Variants in SHISA9 observed in about 807,000 individuals in gnomAD.
SHISA9 encodes shisa family member 9.
Under a neutral mutation model 38.0 loss-of-function variants are expected in SHISA9, and 13 were observed. The ratio of observed to expected loss-of-function variants is 0.34; its 90% CI spans 0.22 to 0.54. The LOEUF (loss-of-function observed/expected upper bound fraction) is 0.54, where lower values mean the gene tolerates loss of function less well. SHISA9 is among the 20% of genes least tolerant of loss of function. SHISA9 has a pLI of 0.91. For missense variants in SHISA9, 538 were observed against 575.8 expected (o/e 0.93, Z 0.67); for synonymous variants, 275 against 242.0 (o/e 1.14, Z -1.27).
At chr16:12,941,980 T>C (rs961303238) in intron 2 of SHISA9, among the ~76,000 whole-genome samples, 2 of 149,614 alleles carry the variant, frequency 1.3e-5, no homozygotes, top group Admixed American at 6.6e-5. Context: ...CAGTGGCGGG[T>C]TTTGTTTTTG....
chr16:13,402,527 T>TG, the SHISA9 span, among the ~76,000 whole-genome samples: 8 of 149,720 alleles, frequency 5.3e-5, no homozygotes, highest in African/African-American at 2.0e-4. Flanking sequence ...TTTTTTTTTT[T>TG]TTTTTGAGAC....
intron 2 of SHISA9, among the ~76,000 whole-genome samples, chr16:12,952,044 T>C (rs1377324915): frequency 6.6e-6 from 1 of 152,258 alleles, no homozygotes; most frequent in Admixed American, 6.5e-5. Flanking sequence ...GTCTAGGGAC[T>C]TAAATGATTT....
At chr16:12,953,072 G>A (rs1405152031) in intron 2 of SHISA9, among the ~76,000 whole-genome samples, 1 of 151,736 alleles carries the variant, frequency 6.6e-6, no homozygotes, top group Non-Finnish European at 1.5e-5. Flanking sequence ...AAATAAAGAA[G>A]GACAAAGGAA....
At chr16:13,241,421 G>A (rs766317763), downstream of SHISA9, among the ~76,000 whole-genome samples, 14 of 152,200 alleles carry the variant, frequency 9.2e-5, no homozygotes, top group African/African-American at 2.9e-4. Flanking sequence ...CAGGAGAATC[G>A]CTTTAACTTG....
At chr16:13,509,283 G>GA in the SHISA9 span, among the ~76,000 whole-genome samples, 1 of 147,886 alleles carries the variant, frequency 6.8e-6, no homozygotes. Flanking sequence ...AAAAAAAAAA[G>GA]AAAAAATTAG....
chr16:13,428,886 C>T, the SHISA9 span, among the ~76,000 whole-genome samples: 1 of 151,930 alleles, frequency 6.6e-6, no homozygotes, highest in Admixed American at 6.5e-5. Flanking sequence ...CTGCCTCAGC[C>T]TCCTGAGTAG....
At chr16:12,914,540 C>T (rs1406802465) in intron 1 of SHISA9, among the ~76,000 whole-genome samples, 1 of 152,094 alleles carries the variant, frequency 6.6e-6, no homozygotes, top group African/African-American at 2.4e-5. Context: ...TCTCTTGTCT[C>T]TTAGCAGACT....
At chr16:13,355,493 C>A in the SHISA9 span, among the ~76,000 whole-genome samples, 1 of 151,880 alleles carries the variant, frequency 6.6e-6, no homozygotes, top group Non-Finnish European at 1.5e-5. Flanking sequence ...AGCTGTAGCC[C>A]AGGAATAGTC....
At chr16:13,538,873 C>G in the SHISA9 span, among the ~76,000 whole-genome samples, 1 of 152,052 alleles carries the variant, frequency 6.6e-6, no homozygotes, top group Admixed American at 6.6e-5. Context: ...TTTAATAACA[C>G]AATCTTTTTT....
At chr16:12,962,262 C>A (rs142491435) in intron 2 of SHISA9, among the ~76,000 whole-genome samples, 1 of 152,232 alleles carries the variant, frequency 6.6e-6, no homozygotes, top group East Asian at 1.9e-4. Flanking sequence ...AGGACTTGCA[C>A]ACAGACAGTG....
intron 2 of SHISA9, among the ~76,000 whole-genome samples, chr16:12,958,383 T>C (rs2071864450): frequency 6.6e-6 from 1 of 152,252 alleles, no homozygotes; most frequent in African/African-American, 2.4e-5. Flanking sequence ...TCAGATAAAG[T>C]CTTAGAAGTA....
the SHISA9 span, among the ~76,000 whole-genome samples, chr16:13,295,401 A>G: frequency 6.6e-6 from 1 of 152,150 alleles, no homozygotes; most frequent in Non-Finnish European, 1.5e-5. Flanking sequence ...AAAAGTACTG[A>G]ACACAACCAA....
At chr16:13,423,649 A>G in the SHISA9 span, among the ~76,000 whole-genome samples, 2 of 152,160 alleles carry the variant, frequency 1.3e-5, no homozygotes, top group Middle Eastern at 3.2e-3. Context: ...ACAGTTCTAT[A>G]TGTCTGTGTG....
rs989319000 is a variant in SHISA9 at position 13,239,006 on chromosome 16, C to G, written c.*3597C>G. On this transcript the variant is annotated 3_prime_UTR_variant, in exon 5 of 5. Coordinates refer to ENST00000558583, the MANE Select transcript of SHISA9 (RefSeq NM_001145204.3). ...CCCCCTCCCCCCACCCCACAACAGT[C>G]CCCAGAGTGTGATGTTCCCCTTCTT... The G allele has an allele frequency of 9.3e-6, 1 of 107,190 alleles. No homozygotes were observed. The highest frequency in any genetic ancestry group is 3.6e-5 in the African/African-American group (1 of 27,898). 6.6% of individuals were successfully genotyped at this position (107,190 alleles called of 1,614,324 possible).
chr16:13,027,448 A>G (rs987312259), intron 2 of SHISA9, among the ~76,000 whole-genome samples: 14 of 152,308 alleles, frequency 9.2e-5, no homozygotes, highest in African/African-American at 3.4e-4. Flanking sequence ...CTCTGTATCT[A>G]TCCAAGAGAA....
chr16:13,085,994 C>T (rs1165609004), intron 2 of SHISA9, among the ~76,000 whole-genome samples: 1 of 151,928 alleles, frequency 6.6e-6, no homozygotes, highest in Non-Finnish European at 1.5e-5. Context: ...AATGAAAACA[C>T]AAGAGTATTG....
chr16:13,084,387 A>G (rs977028238), intron 2 of SHISA9, among the ~76,000 whole-genome samples: 5 of 152,258 alleles, frequency 3.3e-5, no homozygotes, highest in Non-Finnish European at 7.3e-5. Context: ...TTGATCAGGC[A>G]GTGAATAAAC....
At chr16:13,062,921 A>G (rs1340421537) in intron 2 of SHISA9, among the ~76,000 whole-genome samples, 1 of 151,550 alleles carries the variant, frequency 6.6e-6, no homozygotes, top group Non-Finnish European at 1.5e-5. Flanking sequence ...GGGAGAGACC[A>G]CAGTGGCGAG....
In SHISA9 at chr16:13,240,024, A is replaced by T. The variant is rs1457223718; in HGVS notation, c.*4615A>T. 6.6e-6 allele frequency: 1 copy of T among 152,266 alleles called. No homozygotes were observed. The highest frequency in any genetic ancestry group is 1.5e-5 in the Non-Finnish European group (1 of 68,104). 9.4% of individuals were successfully genotyped at this position (152,266 alleles called of 1,614,324 possible). On this transcript the variant is annotated 3_prime_UTR_variant, in exon 5 of 5. Transcript: ENST00000558583. ...AAGCAGACAGGCTGTCCTCTTCCTAATTCCATGCCCTGACATCAGCCCCTA... is the reference window on the plus strand; with the variant it reads ...AAGCAGACAGGCTGTCCTCTTCCTATTTCCATGCCCTGACATCAGCCCCTA...
Sources: allele counts gnomAD v4.1 joint callset (sites outside exome capture counted in the v4.1 genomes callset), GRCh38; gene constraint gnomAD v4.1.1; transcripts MANE v1.5; gene names NCBI Gene and HGNC (gene_info 2026-07-23, HGNC 2026-07-21).